Variants in PRKD1 observed in about 807,000 individuals in gnomAD.
PRKD1 encodes the protein serine/threonine-protein kinase D1.
A neutral mutation model predicts 95.9 loss-of-function variants in PRKD1; 63 were observed. The observed-to-expected ratio is 0.66, with a 90% CI of 0.54 to 0.81. PRKD1 has a LOEUF of 0.81. Among genes scored for constraint, PRKD1 ranks in the 30% least tolerant of loss-of-function variants. The pLI is 0.00. For synonymous variants in PRKD1, 425 were observed against 423.1 expected (o/e 1.00, Z -0.05); for missense variants, 1,048 against 1,165.3 (o/e 0.90, Z 1.47).
At chr14:29,731,799 CT>C (rs1435106386) in intron 1 of PRKD1, among the ~76,000 whole-genome samples, 1 of 150,818 alleles carries the variant, frequency 6.6e-6, no homozygotes, top group East Asian at 1.9e-4. Flanking sequence ...ATCCCTGTGT[CT>C]TTATAAAGTT....
chr14:29,759,226 G>T (rs994886670), intron 1 of PRKD1, among the ~76,000 whole-genome samples: 1 of 151,560 alleles, frequency 6.6e-6, no homozygotes, highest in Non-Finnish European at 1.5e-5. Flanking sequence ...CTAGTAAGAA[G>T]AAGTATATTA....
chr14:29,802,697 C>CT (rs1890084156), intron 1 of PRKD1, among the ~76,000 whole-genome samples: 1 of 152,186 alleles, frequency 6.6e-6, no homozygotes, highest in Non-Finnish European at 1.5e-5. Context: ...GGAAAAGAAT[C>CT]TTATCAGGTG....
intron 1 of PRKD1, among the ~76,000 whole-genome samples, chr14:29,862,131 G>A (rs965326094): frequency 6.6e-6 from 1 of 152,160 alleles, no homozygotes; most frequent in African/African-American, 2.4e-5. Flanking sequence ...GACATGTGAG[G>A]TTTATCTTTC....
intron 2 of PRKD1, among the ~76,000 whole-genome samples, chr14:29,722,734 C>T (rs1885956636): frequency 6.6e-6 from 1 of 151,922 alleles, no homozygotes; most frequent in South Asian, 2.1e-4. Context: ...CTATGTGGCT[C>T]GGGAAAAGAA....
intron 13 of PRKD1, among the ~76,000 whole-genome samples, chr14:29,605,362 C>G (rs940663890): frequency 8.5e-5 from 13 of 152,186 alleles, no homozygotes; most frequent in Admixed American, 6.5e-4. Flanking sequence ...TTAAGTATTT[C>G]TCCAGCTTTG....
chr14:29,680,602 G>A (rs1254188941), intron 2 of PRKD1, among the ~76,000 whole-genome samples: 1 of 152,104 alleles, frequency 6.6e-6, no homozygotes, highest in Non-Finnish European at 1.5e-5. Context: ...CAAAATACTG[G>A]TACTACTAAC....
At chr14:29,613,437 C>CA (rs200223039) in intron 13 of PRKD1, among the ~76,000 whole-genome samples, 5,877 of 150,858 alleles carry the variant, frequency 0.039, 160 homozygotes, top group East Asian at 0.073. Context: ...GTCTTTTAAA[C>CA]AAAAAAAAAT....
chr14:29,806,179 C>T (rs917613273), intron 1 of PRKD1, among the ~76,000 whole-genome samples: 2 of 152,166 alleles, frequency 1.3e-5, no homozygotes, highest in Non-Finnish European at 1.5e-5. Context: ...ATAACAAGAG[C>T]CATGATTATT....
chr14:29,920,405 G>C (rs1463074681), intron 1 of PRKD1, among the ~76,000 whole-genome samples: 1 of 152,028 alleles, frequency 6.6e-6, no homozygotes, highest in Non-Finnish European at 1.5e-5. Flanking sequence ...AGATTACCCT[G>C]ATACATAAAT....
intron 13 of PRKD1, among the ~76,000 whole-genome samples, chr14:29,610,037 G>A (rs921563456): frequency 5.3e-5 from 8 of 152,068 alleles, no homozygotes; most frequent in Admixed American, 1.3e-4. Context: ...AGGGGTGAGA[G>A]GAGTATGCAG....
chr14:29,777,259 A>T (rs1888806808), intron 1 of PRKD1, among the ~76,000 whole-genome samples: 1 of 152,134 alleles, frequency 6.6e-6, no homozygotes, highest in African/African-American at 2.4e-5. Flanking sequence ...TAACCAGCTA[A>T]ATCATAATGA....
At chr14:29,672,043 G>A (rs1268996889) in intron 2 of PRKD1, among the ~76,000 whole-genome samples, 1 of 152,052 alleles carries the variant, frequency 6.6e-6, no homozygotes, top group East Asian at 1.9e-4. Flanking sequence ...GTCAAAGGTG[G>A]AGATATCATT....
At chr14:29,688,206 C>T (rs1883995923) in intron 2 of PRKD1, among the ~76,000 whole-genome samples, 1 of 152,220 alleles carries the variant, frequency 6.6e-6, no homozygotes, top group Non-Finnish European at 1.5e-5. Flanking sequence ...CTGATTCTCT[C>T]TCTTCTGCCT....
At chr14:29,892,389 T>C (rs1024948501) in intron 1 of PRKD1, among the ~76,000 whole-genome samples, 2 of 151,758 alleles carry the variant, frequency 1.3e-5, no homozygotes, top group African/African-American at 4.8e-5. Context: ...AAGAACAATA[T>C]TCTGTGCCTT....
In PRKD1 at chr14:29,657,426, C is replaced by A. The variant is rs181821619; in HGVS notation, c.696+6273G>T. 9 of 152,270 alleles carry A rather than the reference C, an allele frequency of 5.9e-5. No individual in the cohort carries two copies. The East Asian group carries it at 1.5e-3, about 26-fold the overall frequency. The allele number at this position is 152,270 out of a possible 1,614,324, so 9.4% of individuals were successfully genotyped here. A position where few individuals can be genotyped will look rare whatever the true frequency, so the allele number is the denominator to read the frequency against. On this transcript the variant is annotated intron_variant, in intron 4 of 17. Coordinates refer to ENST00000331968, the MANE Select transcript of PRKD1 (RefSeq NM_002742.3). ...TTTTTTTGCAGTGTTGAATAAAAGA[C>A]CTCACATTGAGAAAAATCCTACTAT...
chr14:29,596,295 T>C (rs1566474475), intron 16 of PRKD1, among the ~76,000 whole-genome samples: 1 of 152,240 alleles, frequency 6.6e-6, no homozygotes, highest in Non-Finnish European at 1.5e-5. Flanking sequence ...ACTAGCCTTT[T>C]CACATGGTGA....
At chr14:29,750,050 A>G (rs1393735160) in intron 1 of PRKD1, among the ~76,000 whole-genome samples, 1 of 152,206 alleles carries the variant, frequency 6.6e-6, no homozygotes, top group Non-Finnish European at 1.5e-5. Context: ...GAGTAGAACA[A>G]GGGTCACTGC....
chr14:29,796,622 A>G (rs553860966), intron 1 of PRKD1, among the ~76,000 whole-genome samples: 1 of 152,134 alleles, frequency 6.6e-6, no homozygotes, highest in Non-Finnish European at 1.5e-5. Context: ...GGTCTGAAAA[A>G]TGTGGAGGAA....
intron 4 of PRKD1, among the ~76,000 whole-genome samples, chr14:29,655,969 T>C (rs1370932379): frequency 2.0e-5 from 3 of 151,304 alleles, no homozygotes; most frequent in African/African-American, 7.3e-5. Flanking sequence ...AAAGGTAAGT[T>C]CAGGAACTGT....
Sources: gnomAD v4.1 joint callset for allele counts (sites outside exome capture counted in the v4.1 genomes callset) on GRCh38, gnomAD v4.1.1 for gene constraint, MANE v1.5 for transcripts, NCBI Gene and HGNC (gene_info 2026-07-23, HGNC 2026-07-21) for gene names.